PTPRT: variants seen among roughly 807,000 people sequenced by gnomAD.
The protein encoded by PTPRT is receptor-type tyrosine-protein phosphatase T.
Under a neutral mutation model 176.8 loss-of-function variants are expected in PTPRT, and 56 were observed. That is an observed-to-expected ratio of 0.32 (90% CI 0.26 to 0.40). The LOEUF (loss-of-function observed/expected upper bound fraction) is 0.40, where lower values mean the gene tolerates loss of function less well. Among genes scored for constraint, PTPRT ranks in the 10% least tolerant of loss-of-function variants. PTPRT has a pLI of 1.00. For missense variants in PTPRT, 1,540 were observed against 1,908.2 expected, an observed-to-expected ratio of 0.81 and a Z score of 3.60; for synonymous variants, 783 against 739.0, an observed-to-expected ratio of 1.06 and a Z score of -0.96.
At position 42,446,619 on chromosome 20, in the gene PTPRT, TGTGA is replaced by T. The variant is rs1202781968; in HGVS notation, c.1560+1597_1560+1600del. Among the ~76,000 whole-genome samples the T allele has an allele frequency of 4.3e-3, 625 of 144,266 alleles. 7 individuals carry two copies. The highest frequency in any genetic ancestry group is 0.016 in the African/African-American group (584 of 37,196). 94.6% of individuals were successfully genotyped at this position (144,266 alleles called of 152,430 possible). The stretch of plus-strand genomic sequence containing the variant: ...GTGTGTGTGTGTGTGTGTGTGTGTG[TGTGA>T]GAGAGAGAGAGAGATTGTGGTTTCT... On this transcript the variant is annotated intron_variant, in intron 9 of 30. Coordinates refer to ENST00000373187, the MANE Select transcript of PTPRT (RefSeq NM_007050.6).
chr20:42,591,060 G>C lies in PTPRT; in HGVS notation c.1153+86806C>G, dbSNP rs116682000. ...CCAAGATAATATCCAAATGGGTCAA[G>C]ATTTTAAATGCAAAAAGAAATCCCA... On this transcript the variant is annotated intron_variant, in intron 7 of 30. Coordinates refer to ENST00000373187, the MANE Select transcript of PTPRT (RefSeq NM_007050.6). 2.8e-3 allele frequency among the ~76,000 whole-genome samples: 416 copies of C among 151,124 alleles called. 5 individuals are homozygous for C. The highest frequency in any genetic ancestry group is 9.7e-3 in the African/African-American group (400 of 41,274).
intron 8 of PTPRT, among the ~76,000 whole-genome samples, chr20:42,450,238 A>G (rs944271422): frequency 6.6e-6 from 1 of 152,252 alleles, no homozygotes; most frequent in African/African-American, 2.4e-5. Flanking sequence ...CCTTAAGATT[A>G]ATGCTTTGGA....
chr20:42,615,261 C>T lies in PTPRT; in HGVS notation c.1153+62605G>A, dbSNP rs1269478499. On this transcript the variant is annotated intron_variant, in intron 7 of 30. Coordinates refer to ENST00000373187, the MANE Select transcript of PTPRT (RefSeq NM_007050.6). ...TTCATCCATGTCCCTACAAAGGACA[C>T]GAACTCATCATTTTTTATGGCTGCA... 1.2e-4 allele frequency among the ~76,000 whole-genome samples: 16 copies of T among 135,944 alleles called. 1 individual carries two copies. The highest frequency in any genetic ancestry group is 4.6e-4 in the South Asian group (2 of 4,324). 89.2% of individuals were successfully genotyped at this position (135,944 alleles called of 152,430 possible). A position where few individuals can be genotyped will look rare whatever the true frequency, so the allele number is the denominator to read the frequency against.
At chr20:42,297,402 A>G (rs2057402803) in intron 12 of PTPRT, among the ~76,000 whole-genome samples, 2 of 152,194 alleles carry the variant, frequency 1.3e-5, no homozygotes, top group Non-Finnish European at 2.9e-5. Context: ...GACTCGAACA[A>G]ATAGAAAGAC....
At chr20:42,235,545 C>T (rs948559519) in intron 15 of PTPRT, among the ~76,000 whole-genome samples, 9 of 152,210 alleles carry the variant, frequency 5.9e-5, no homozygotes, top group Admixed American at 6.5e-5. Flanking sequence ...AGGCGTGAGC[C>T]ACCGCACCTG....
intron 1 of PTPRT, among the ~76,000 whole-genome samples, chr20:43,046,188 G>A (rs1034646760): frequency 1.3e-5 from 2 of 152,138 alleles, no homozygotes; most frequent in South Asian, 2.1e-4. Context: ...AGTTGGCAAC[G>A]AAGGCGGCCA....
rs1025701737 is a variant in PTPRT at position 42,404,492 on chromosome 20, A to G, written c.1560+43728T>C. On this transcript the variant is annotated intron_variant, in intron 9 of 30. Coordinates refer to ENST00000373187, the MANE Select transcript of PTPRT (RefSeq NM_007050.6). ...CCAGATCATCTATTCTTACAGCATC[A>G]AATAGAAAAATTTGACTACAGGGCA... Among the ~76,000 whole-genome samples the G allele has an allele frequency of 1.3e-4, 20 of 152,256 alleles. 2 individuals carry two copies. Among genetic ancestry groups the G allele is most frequent in the Admixed American group, 9.8e-4 (15 of 15,276 alleles).
At chr20:42,565,765 G>A (rs1459678874) in intron 7 of PTPRT, among the ~76,000 whole-genome samples, 2 of 152,196 alleles carry the variant, frequency 1.3e-5, no homozygotes, top group East Asian at 3.9e-4. Flanking sequence ...TGGGAGCCGG[G>A]GCAGGGAGTG....
In PTPRT at chr20:42,883,897, TACAC is replaced by T. The variant is rs757354228; in HGVS notation, c.214+1906_214+1909del. 6.4e-3 allele frequency among the ~76,000 whole-genome samples: 739 copies of T among 114,594 alleles called. 13 individuals carry two copies. The highest frequency in any genetic ancestry group is 0.024 in the African/African-American group (695 of 28,804). The allele number at this position is 114,594 out of a possible 152,430, so 75.2% of individuals were successfully genotyped here. A position where few individuals can be genotyped will look rare whatever the true frequency, so the allele number is the denominator to read the frequency against. ...ACACACATACACCAATACACCCCCA[TACAC>T]ACACACACACACACATACCAGTACA... is the stretch of plus-strand genomic sequence containing the variant. On this transcript the variant is annotated intron_variant, in intron 2 of 30. Coordinates refer to ENST00000373187, the MANE Select transcript of PTPRT (RefSeq NM_007050.6).
At chr20:42,329,617 T>G (rs1014140425) in intron 11 of PTPRT, among the ~76,000 whole-genome samples, 1 of 151,780 alleles carries the variant, frequency 6.6e-6, no homozygotes, top group Non-Finnish European at 1.5e-5. Flanking sequence ...AAAGAATAAA[T>G]ACTCCCCAAA....
chr20:42,092,318 C>T (rs1166582103), intron 27 of PTPRT, among the ~76,000 whole-genome samples: 1 of 152,210 alleles, frequency 6.6e-6, no homozygotes, highest in African/African-American at 2.4e-5. Context: ...GAGAAGACAA[C>T]CCCCTCAGAA....
intron 1 of PTPRT, among the ~76,000 whole-genome samples, chr20:42,978,027 G>A (rs2146080035): frequency 6.6e-6 from 1 of 151,746 alleles, no homozygotes; most frequent in Non-Finnish European, 1.5e-5. Flanking sequence ...ATCTCCAGTG[G>A]ATGCCTGGTG....
chr20:42,343,279 C>T (rs1298353385), intron 11 of PTPRT, among the ~76,000 whole-genome samples: 1 of 152,186 alleles, frequency 6.6e-6, no homozygotes, highest in Non-Finnish European at 1.5e-5. Flanking sequence ...TCCTCATAGA[C>T]TCTTCCCTCC....
chr20:42,245,878 G>A (rs2056441067), intron 14 of PTPRT, among the ~76,000 whole-genome samples: 1 of 152,180 alleles, frequency 6.6e-6, no homozygotes, highest in Non-Finnish European at 1.5e-5. Flanking sequence ...CCATGTCCAT[G>A]ACCAGGGAAG....
At chr20:42,567,841 G>A (rs1457278324) in intron 7 of PTPRT, among the ~76,000 whole-genome samples, 1 of 152,158 alleles carries the variant, frequency 6.6e-6, no homozygotes, top group Non-Finnish European at 1.5e-5. Context: ...TTGATACATG[G>A]CACTTGGTCT....
chr20:42,216,958 G>A (rs61465910), intron 15 of PTPRT, among the ~76,000 whole-genome samples: 7,008 of 152,234 alleles, frequency 0.046, 517 homozygotes, highest in African/African-American at 0.16. Context: ...TTTCATTTCC[G>A]AGTTCCTAGG....
At chr20:42,862,675 C>G (rs1390333076) in intron 2 of PTPRT, among the ~76,000 whole-genome samples, 1 of 152,136 alleles carries the variant, frequency 6.6e-6, no homozygotes, top group East Asian at 1.9e-4. Context: ...TCGAATGTGC[C>G]GATCTGCATT....
intron 7 of PTPRT, among the ~76,000 whole-genome samples, chr20:42,624,883 C>T (rs536213180): frequency 4.6e-5 from 7 of 152,188 alleles, no homozygotes; most frequent in East Asian, 1.9e-4. Context: ...CTAGCATATA[C>T]GGTGAGGAAC....
At chr20:43,109,656 A>G (rs1360272829) in intron 1 of PTPRT, among the ~76,000 whole-genome samples, 1 of 152,210 alleles carries the variant, frequency 6.6e-6, no homozygotes, top group Non-Finnish European at 1.5e-5. Context: ...ACCAAGAAAA[A>G]GGAAATAAAG....
Sources: allele counts gnomAD v4.1 joint callset (sites outside exome capture counted in the v4.1 genomes callset), GRCh38; gene constraint gnomAD v4.1.1; transcripts MANE v1.5; gene names NCBI Gene and HGNC (gene_info 2026-07-23, HGNC 2026-07-21).